The following ZFP82 variants were observed in gnomAD, a reference collection of about 807,000 sequenced individuals.
The protein encoded by ZFP82 is ZFP82 zinc finger protein, also known as zinc finger protein 82 homolog.
In ZFP82, 30 loss-of-function variants were observed where a neutral mutation model predicts 54.0. The ratio of observed to expected loss-of-function variants is 0.56; its 90% CI spans 0.42 to 0.75. ZFP82 has a LOEUF of 0.75. ZFP82 is among the 30% of genes least tolerant of loss of function. The pLI is 0.00. For missense variants in ZFP82, 500 were observed against 636.8 expected (o/e 0.79, Z 2.31); for synonymous variants, 194 against 209.5 (o/e 0.93, Z 0.64).
chr19:36,410,430 T>C (rs941705165), intron 1 of ZFP82, among the ~76,000 whole-genome samples: 2 of 91,940 alleles, frequency 2.2e-5, no homozygotes, highest in African/African-American at 3.8e-5. Context: ...GTGTTATATA[T>C]GTATGTGTGT....
intron 3 of ZFP82, among the ~76,000 whole-genome samples, chr19:36,407,563 C>T (rs1295278324): frequency 6.6e-6 from 1 of 150,910 alleles, no homozygotes; most frequent in Non-Finnish European, 1.5e-5. Context: ...ACAAAATATA[C>T]CAACAAGCAA....
intron 1 of ZFP82, among the ~76,000 whole-genome samples, chr19:36,414,697 A>G (rs558133258): frequency 1.2e-4 from 18 of 152,196 alleles, no homozygotes; most frequent in Non-Finnish European, 2.4e-4. Flanking sequence ...TCAAAAAAGG[A>G]TTCACAGAAA....
At chr19:36,410,493 GTTGT>G (rs1362021101) in intron 1 of ZFP82, among the ~76,000 whole-genome samples, 7 of 151,418 alleles carry the variant, frequency 4.6e-5, no homozygotes, top group African/African-American at 1.7e-4. Flanking sequence ...TGTTGTTGCT[GTTGT>G]TTGTTCTTGT....
At chr19:36,402,372 G>A (rs1006868988) in intron 4 of ZFP82, among the ~76,000 whole-genome samples, 2 of 149,572 alleles carry the variant, frequency 1.3e-5, no homozygotes, top group Admixed American at 6.7e-5. Flanking sequence ...GGGAGCCTGA[G>A]GCAAGAGAAC....
Position 36,390,786 on chromosome 19 carries a change from T to A in ZFP82, c.*1955A>T, listed in dbSNP as rs974240068. On this transcript the variant is annotated 3_prime_UTR_variant, in exon 5 of 5. Transcript: ENST00000392161. ...TTTGTTTTGTTTTTTGTTTTTTGTT[T>A]GAGACAGAGTCTCGGTCTGTCACCC... 6.6e-6 allele frequency: 1 copy of A among 152,204 alleles called. No homozygotes were observed. The highest frequency in any genetic ancestry group is 1.5e-5 in the Non-Finnish European group (1 of 68,036). 9.4% of individuals were successfully genotyped at this position (152,204 alleles called of 1,614,324 possible).
chr19:36,413,502 C>A (rs186158141), intron 1 of ZFP82, among the ~76,000 whole-genome samples: 2 of 152,194 alleles, frequency 1.3e-5, no homozygotes, highest in African/African-American at 4.8e-5. Flanking sequence ...TATTATAGCA[C>A]ATTATGCAAT....
chr19:36,394,179 GA>G (rs1208033915), intron 4 of ZFP82, 69 bp from the exon 5 acceptor site: 8 of 1,347,496 alleles, frequency 5.9e-6, no homozygotes, highest in Non-Finnish European at 8.1e-6. Context: ...TTCTAATGTA[GA>G]AATAAAAGAC....
At chr19:36,411,860 G>A (rs1455554414) in intron 1 of ZFP82, among the ~76,000 whole-genome samples, 4 of 92,144 alleles carry the variant, frequency 4.3e-5, no homozygotes, top group Non-Finnish European at 6.6e-5. Flanking sequence ...GCAAGACCCC[G>A]TCTCAAAAAA....
rs1880603630 is a variant in ZFP82 at position 36,393,654 on chromosome 19, T to C, written c.686A>G (p.Lys229Arg). The change falls in exon 5 of 5, where the codon AAG (lysine) becomes AGG (arginine). Residue 229 changes from lysine (K) to arginine (R), a missense_variant. Transcript: ENST00000392161. The part of the protein sequence containing the change: ...LHSGEKLYEC[K>R]ECGEAFICGA... ...ACATATGAAAGCTTCCCCACATTCC[T>C]TACATTCATAGAGTTTTTCACCAGA... The C allele has an allele frequency of 1.2e-6, 2 of 1,614,038 alleles. No homozygotes were observed. Among genetic ancestry groups the C allele is most frequent in the African/African-American group, 2.7e-5 (2 of 74,900 alleles).
rs372069420 is a variant in ZFP82 at position 36,414,091 on chromosome 19, G to A, written c.-78-4224C>T. ...AATTTTTTGTATTTTTAGTAGAGAC[G>A]GGGTTTCACCATGTTAGCCAACATA... On this transcript the variant is annotated intron_variant, in intron 1 of 4. Coordinates refer to ENST00000392161, the MANE Select transcript of ZFP82 (RefSeq NM_133466.4). Among the ~76,000 whole-genome samples the A allele has an allele frequency of 2.9e-4, 44 of 151,702 alleles. 1 individual carries two copies. The South Asian group carries it at 7.3e-3, about 25-fold the overall frequency.
chr19:36,389,429 C>T lies in ZFP82; in HGVS notation c.*3312G>A, dbSNP rs556171557. Among the ~76,000 whole-genome samples, 113 of 152,276 alleles carry T rather than the reference C, an allele frequency of 7.4e-4. No individual in the cohort carries two copies. Among genetic ancestry groups the T allele is most frequent in the Middle Eastern group, 3.4e-3 (1 of 294 alleles). ...GAACGGCACAATGAACCCTGTGTAC[C>T]TAATGATCCAGATTAAACATTTACC... On this transcript the variant is annotated 3_prime_UTR_variant, in exon 5 of 5. Transcript: ENST00000392161.
intron 2 of ZFP82, 129 bp downstream of exon 2, chr19:36,409,652 C>T (rs924007083): frequency 4.6e-5 from 43 of 925,884 alleles, no homozygotes; most frequent in African/African-American, 3.8e-4. Context: ...GTGGTTCACC[C>T]GCCACTGGAT....
At chr19:36,404,632 A>G (rs542754353) in intron 4 of ZFP82, among the ~76,000 whole-genome samples, 1 of 152,314 alleles carries the variant, frequency 6.6e-6, no homozygotes, top group East Asian at 1.9e-4. Context: ...TGTTAACCTA[A>G]TATGCATGTG....
intron 1 of ZFP82, among the ~76,000 whole-genome samples, chr19:36,417,029 T>C (rs962430955): frequency 1.5e-4 from 16 of 107,072 alleles, no homozygotes; most frequent in Non-Finnish European, 3.2e-4. Context: ...GCTGAGATTG[T>C]GCCACTGCAC....
intron 1 of ZFP82, among the ~76,000 whole-genome samples, chr19:36,412,968 A>G (rs1007573928): frequency 6.6e-6 from 1 of 152,200 alleles, no homozygotes; most frequent in Non-Finnish European, 1.5e-5. Context: ...TGGTCACTGT[A>G]TTTCCCCCAA....
downstream of ZFP82, among the ~76,000 whole-genome samples, chr19:36,388,470 G>GTT (rs997019743): frequency 1.0e-3 from 156 of 150,106 alleles, no homozygotes; most frequent in Middle Eastern, 3.5e-3. Context: ...TTAGTTCAGG[G>GTT]TTTTTTTTTG....
At chr19:36,404,196 T>C (rs190575956) in intron 4 of ZFP82, among the ~76,000 whole-genome samples, 38 of 152,222 alleles carry the variant, frequency 2.5e-4, no homozygotes, top group Admixed American at 1.4e-3. Flanking sequence ...GAAGTAAAAG[T>C]CCTAAACCCC....
Position 36,390,474 on chromosome 19 carries a change from A to C in ZFP82, c.*2267T>G, listed in dbSNP as rs1272881631. 6.6e-6 allele frequency: 1 copy of C among 151,680 alleles called. No homozygotes were observed. Among genetic ancestry groups the C allele is most frequent in the Non-Finnish European group, 1.5e-5 (1 of 67,990 alleles). The allele number at this position is 151,680 out of a possible 1,614,324, so 9.4% of individuals were successfully genotyped here. On this transcript the variant is annotated 3_prime_UTR_variant, in exon 5 of 5. Transcript: ENST00000392161. ...TTCCCCATGTTTCCTGTAAACTGGT[A>C]ATTAGGTTTGGAGACTAACTTGTAC...
downstream of ZFP82, among the ~76,000 whole-genome samples, chr19:36,387,008 C>T (rs1020983441): frequency 6.6e-6 from 1 of 152,172 alleles, no homozygotes; most frequent in Admixed American, 6.6e-5. Context: ...CTTTTTCTTC[C>T]CTATTTCTTT....
Sources: allele counts gnomAD v4.1 joint callset (sites outside exome capture counted in the v4.1 genomes callset), GRCh38; gene constraint gnomAD v4.1.1; transcripts MANE v1.5; gene names NCBI Gene and HGNC (gene_info 2026-07-23, HGNC 2026-07-21).